The following RNF217 variants were observed in gnomAD, a reference collection of about 807,000 sequenced individuals.
The protein encoded by RNF217 is E3 ubiquitin-protein ligase RNF217.
RNF217 carries 31 observed loss-of-function variants against 57.8 expected under a neutral mutation model. The observed-to-expected ratio is 0.54, with a 90% CI of 0.40 to 0.72. RNF217 has a LOEUF of 0.72. RNF217 is among the 30% of genes least tolerant of loss of function. The probability of loss-of-function intolerance (pLI) is 0.00; values close to 1 mark genes in which losing one functional copy is unlikely to be tolerated. For missense variants in RNF217, 696 were observed against 708.3 expected, an observed-to-expected ratio of 0.98 and a Z score of 0.20; for synonymous variants, 313 against 294.0, an observed-to-expected ratio of 1.06 and a Z score of -0.66.
intron 1 of RNF217, among the ~76,000 whole-genome samples, chr6:125,007,856 AT>A (rs1231535108): frequency 6.6e-6 from 1 of 152,188 alleles, no homozygotes; most frequent in African/African-American, 2.4e-5. Context: ...TATATATACT[AT>A]TTTTTAATAC....
intron 1 of RNF217, among the ~76,000 whole-genome samples, chr6:125,016,040 G>T (rs1785590399): frequency 6.6e-6 from 1 of 152,064 alleles, no homozygotes; most frequent in African/African-American, 2.4e-5. Flanking sequence ...AAAATATAAG[G>T]AAGCCCACGA....
intron 1 of RNF217, among the ~76,000 whole-genome samples, chr6:125,023,950 G>T (rs1001872501): frequency 4.6e-5 from 7 of 152,286 alleles, no homozygotes; most frequent in Admixed American, 4.6e-4. Context: ...AGGAGATGTT[G>T]TTCAAGACAT....
At chr6:125,046,516 A>T (rs1787105392) in intron 2 of RNF217, 2 of 449,672 alleles carry the variant, frequency 4.4e-6, no homozygotes, top group Non-Finnish European at 4.5e-6. Flanking sequence ...GAGCCTCACC[A>T]GGTGACTAAT....
intron 1 of RNF217, among the ~76,000 whole-genome samples, chr6:125,003,347 TC>T (rs1418520039): frequency 5.3e-5 from 8 of 152,164 alleles, no homozygotes; most frequent in African/African-American, 1.9e-4. Flanking sequence ...GGGATTAAAA[TC>T]CCAGCACTGC....
At chr6:124,964,642 C>T (rs953769417) in intron 1 of RNF217, among the ~76,000 whole-genome samples, 6 of 152,178 alleles carry the variant, frequency 3.9e-5, no homozygotes, top group African/African-American at 1.4e-4. Flanking sequence ...CGGTATGTTA[C>T]ATAAACAGTA....
At chr6:125,000,405 T>C (rs894815139) in intron 1 of RNF217, among the ~76,000 whole-genome samples, 1 of 152,082 alleles carries the variant, frequency 6.6e-6, no homozygotes, top group African/African-American at 2.4e-5. Flanking sequence ...TGATATGTTA[T>C]ATATAATACA....
chr6:125,037,106 C>T (rs774696004), intron 1 of RNF217, among the ~76,000 whole-genome samples: 71 of 150,596 alleles, frequency 4.7e-4, no homozygotes, highest in Non-Finnish European at 9.6e-4. Flanking sequence ...GCCCACTGCC[C>T]TGTAGTGTTC....
At position 124,962,579 on chromosome 6, in the gene RNF217, G is replaced by A; in HGVS notation, c.35G>A (p.Gly12Asp). 7.9e-7 allele frequency: 1 copy of A among 1,268,452 alleles called. No homozygotes were observed. The highest frequency in any genetic ancestry group is 9.9e-7 in the Non-Finnish European group (1 of 1,011,536). The allele number at this position is 1,268,452 out of a possible 1,614,324, so 78.6% of individuals were successfully genotyped here. ...GAGCAGAGCACGGTGAGCGGCGGCG[G>A]CGGGCCCCAGGAGTCGCAGACCCTG... ...GEEQSTVSGG[G>D]GPQESQTLAS... Residue 12 changes from glycine to aspartate, a missense_variant, in exon 1 of 6, where the codon GGC becomes GAC. Transcript: ENST00000521654. This position sits in a 1 kb window ranked among gnomAD's most constrained non-coding sequence, Gnocchi z 4.6.
In RNF217 at chr6:125,067,895, A is replaced by ACCT. The variant is rs141174304; in HGVS notation, c.1282-8760_1282-8758dup. ...TTAAGGGCTTGGTGAAGGAACAGGA[A>ACCT]CCTCAGAGAGGAGAGGAGAAACTGG... is the stretch of plus-strand genomic sequence containing the variant. On this transcript the variant is annotated intron_variant, in intron 3 of 5. Coordinates refer to ENST00000521654, the MANE Select transcript of RNF217 (RefSeq NM_001286398.3). 4.0e-3 allele frequency among the ~76,000 whole-genome samples: 608 copies of ACCT among 152,230 alleles called. 1 individual carries two copies. The highest frequency in any genetic ancestry group is 9.1e-3 in the Admixed American group (139 of 15,282).
intron 2 of RNF217, among the ~76,000 whole-genome samples, chr6:125,046,048 T>G (rs1448029763): frequency 6.6e-6 from 1 of 151,960 alleles, no homozygotes; most frequent in Non-Finnish European, 1.5e-5. Flanking sequence ...TTGAGGACAC[T>G]TGAAGGAGGG....
At chr6:124,969,205 T>C (rs1291578107) in intron 1 of RNF217, among the ~76,000 whole-genome samples, 1 of 152,232 alleles carries the variant, frequency 6.6e-6, no homozygotes, top group Non-Finnish European at 1.5e-5. Context: ...TTTCTTAATA[T>C]AAATATTTCT....
chr6:124,964,265 T>G (rs1783435803), intron 1 of RNF217, among the ~76,000 whole-genome samples: 1 of 152,230 alleles, frequency 6.6e-6, no homozygotes, highest in African/African-American at 2.4e-5. Flanking sequence ...CCAATTGTCC[T>G]AGGCCTATTC....
intron 4 of RNF217, among the ~76,000 whole-genome samples, chr6:125,080,346 A>G (rs996468061): frequency 2.0e-5 from 3 of 152,196 alleles, no homozygotes; most frequent in African/African-American, 7.2e-5. Context: ...TGTTGTATAC[A>G]TGTCTGGTCA....
At chr6:125,068,905 G>A (rs988971284) in intron 3 of RNF217, among the ~76,000 whole-genome samples, 1 of 152,028 alleles carries the variant, frequency 6.6e-6, no homozygotes, top group African/African-American at 2.4e-5. Flanking sequence ...ATGAAAGGAA[G>A]GATTTAGTAG....
Position 125,083,159 on chromosome 6 carries a change from A to G in RNF217, c.*222A>G. The G allele has an allele frequency of 2.4e-6, 1 of 423,230 alleles. No individual in the cohort carries two copies. The highest frequency in any genetic ancestry group is 4.1e-6 in the Non-Finnish European group (1 of 241,174). 26.2% of individuals were successfully genotyped at this position (423,230 alleles called of 1,614,324 possible). On this transcript the variant is annotated 3_prime_UTR_variant, in exon 6 of 6. Coordinates refer to ENST00000521654, the MANE Select transcript of RNF217 (RefSeq NM_001286398.3). ...TTGCTGCTGCTTTTAAAAAATGGTC[A>G]CTTTCATAAACTATAAACATCTATA...
At chr6:125,068,666 T>A (rs183567808) in intron 3 of RNF217, among the ~76,000 whole-genome samples, 1 of 152,272 alleles carries the variant, frequency 6.6e-6, no homozygotes, top group East Asian at 1.9e-4. Flanking sequence ...TCTGTATACA[T>A]GTATAAGCTC....
At chr6:125,005,801 GTTTTGTATAGAACATAAGGTAT>G (rs1012651186) in intron 1 of RNF217, among the ~76,000 whole-genome samples, 2 of 152,054 alleles carry the variant, frequency 1.3e-5, no homozygotes, top group African/African-American at 4.8e-5. Flanking sequence ...ATTAAATATG[GTTTTGTATAGAACATAAGGTAT>G]TAGAGCATAG....
intron 3 of RNF217, among the ~76,000 whole-genome samples, chr6:125,063,918 T>G (rs758561895): frequency 6.6e-6 from 1 of 152,186 alleles, no homozygotes; most frequent in Non-Finnish European, 1.5e-5. Flanking sequence ...TTTATTCTCT[T>G]CAATCCTATA....
chr6:125,001,382 TTAATTCGAGAACGG>T (rs1784975626), intron 1 of RNF217, among the ~76,000 whole-genome samples: 1 of 152,200 alleles, frequency 6.6e-6, no homozygotes, highest in Non-Finnish European at 1.5e-5. Context: ...TTTGTTGGAC[TTAATTCGAGAACGG>T]TAGAATGAAG....
Sources: gnomAD v4.1 joint callset for allele counts (sites outside exome capture counted in the v4.1 genomes callset) on GRCh38, gnomAD v4.1.1 for gene constraint, Gnocchi (gnomAD v3.1) non-coding constraint, MANE v1.5 for transcripts, NCBI Gene and HGNC (gene_info 2026-07-23, HGNC 2026-07-21) for gene names.